The following FSIP2 variants were observed in gnomAD, a reference collection of about 807,000 sequenced individuals.
FSIP2 encodes the protein fibrous sheath-interacting protein 2.
FSIP2 carries 367 observed loss-of-function variants against 510.5 expected under a neutral mutation model. The observed-to-expected ratio is 0.72, with a 90% CI of 0.66 to 0.78. The LOEUF is 0.78. Among genes scored for constraint, FSIP2 ranks in the 30% least tolerant of loss-of-function variants. FSIP2 has a pLI of 0.00. For missense variants in FSIP2, 7,594 were observed against 7,901.7 expected, an observed-to-expected ratio of 0.96 and a Z score of 1.48; for synonymous variants, 2,601 against 2,732.2, an observed-to-expected ratio of 0.95 and a Z score of 1.50.
chr2:185,804,844 G>C lies in FSIP2; in HGVS notation c.15538G>C (p.Glu5180Gln), dbSNP rs1446678195. 5 of 1,530,784 alleles carry C rather than the reference G, an allele frequency of 3.3e-6. No homozygotes were observed. The highest frequency in any genetic ancestry group is 2.6e-6 in the Non-Finnish European group (3 of 1,144,310). The allele number at this position is 1,530,784 out of a possible 1,614,324, so 94.8% of individuals were successfully genotyped here. The change falls in exon 17 of 23, where the codon GAA becomes CAA. Residue 5180 changes from glutamate to glutamine, a missense_variant. Transcript: ENST00000424728. ...IRLSMAEDNA[E>Q]SMQLEPIENL... ...ACTTTCCATGGCAGAGGATAATGCA[G>C]AAAGTATGCAGTTAGAACCTATTGA...
intron 13 of FSIP2, among the ~76,000 whole-genome samples, chr2:185,780,005 A>G (rs1342661560): frequency 6.6e-6 from 1 of 150,704 alleles, no homozygotes; most frequent in African/African-American, 2.4e-5. Context: ...CCTGGGAGGC[A>G]GAGGTTGCAG....
chr2:185,746,288 G>GTT (rs34161042), intron 5 of FSIP2, among the ~76,000 whole-genome samples: 1 of 149,100 alleles, frequency 6.7e-6, no homozygotes, highest in Non-Finnish European at 1.5e-5. Context: ...CAAATGGACT[G>GTT]TTTTTTTTTT....
chr2:185,768,960 C>A (rs914933090), intron 13 of FSIP2, among the ~76,000 whole-genome samples: 1 of 152,164 alleles, frequency 6.6e-6, no homozygotes, highest in African/African-American at 2.4e-5. Flanking sequence ...AGGACATGAT[C>A]TAATTCTTTT....
chr2:185,805,028 A>G lies in FSIP2; in HGVS notation c.15722A>G (p.His5241Arg), dbSNP rs765236708. The stretch of plus-strand genomic sequence containing the variant: ...TATCATCATTTACAGCCATTTTTAC[A>G]TGGTGAAGAATCATCTTTCAGTGAC... ...IMYHHLQPFL[H>R]GEESSFSDLS... is the part of the protein sequence containing the mutation. Residue 5241 changes from histidine (H) to arginine (R), a missense_variant, in exon 17 of 23, where the codon CAT becomes CGT. His to Arg is a conservative substitution (Grantham distance 29). Coordinates refer to ENST00000424728, the MANE Select transcript of FSIP2 (RefSeq NM_173651.4). 6.3e-7 allele frequency: 1 copy of G among 1,594,980 alleles called. No homozygotes were observed. The highest frequency in any genetic ancestry group is 8.5e-7 in the Non-Finnish European group (1 of 1,174,774).
rs1345422615 is a variant in FSIP2, at chr2:185,750,983, G to T, written c.871-2739G>T. On this transcript the variant is annotated intron_variant, in intron 7 of 22. Transcript: ENST00000424728. Reference sequence around the variant, plus strand: ...TCCCAAATCTTTTTAAATATATTGAGATTATTTTATCATCCCAAACTCTGG... The same window carrying T: ...TCCCAAATCTTTTTAAATATATTGATATTATTTTATCATCCCAAACTCTGG... Among the ~76,000 whole-genome samples the T allele has an allele frequency of 2.0e-5, 3 of 151,256 alleles. No individual in the cohort carries two copies. The East Asian group carries it at 5.8e-4, about 29-fold the overall frequency.
At chr2:185,772,039 G>T (rs1476237215) in intron 13 of FSIP2, among the ~76,000 whole-genome samples, 1 of 152,208 alleles carries the variant, frequency 6.6e-6, no homozygotes, top group African/African-American at 2.4e-5. Context: ...ACACAATGCA[G>T]TCAAGCTCTT....
Position 185,797,416 on chromosome 2 carries a change from T to A in FSIP2, c.10280T>A (p.Val3427Asp), listed in dbSNP as rs1559030623. 2.0e-6 allele frequency: 3 copies of A among 1,532,192 alleles called. No individual in the cohort carries two copies. Among genetic ancestry groups the A allele is most frequent in the South Asian group, 1.2e-5 (1 of 83,170 alleles). The allele number at this position is 1,532,192 out of a possible 1,614,324, so 94.9% of individuals were successfully genotyped here. A position where few individuals can be genotyped will look rare whatever the true frequency, so the allele number is the denominator to read the frequency against. The change falls in exon 16 of 23, where the codon GTT (valine) becomes GAT (aspartate). Residue 3427 changes from valine (V) to aspartate (D), a missense_variant. By Grantham distance (152) the Val-to-Asp change is radical. Coordinates refer to ENST00000424728, the MANE Select transcript of FSIP2 (RefSeq NM_173651.4). ...EYPKIETVKE[V>D]EAFTFADHEM... ...CCAAAGATAGAGACTGTGAAGGAAG[T>A]TGAAGCCTTTACTTTTGCTGATCAT...
chr2:185,782,631 T>C, intron 13 of FSIP2, 74 bp from the exon 14 acceptor site: 1 of 846,734 alleles, frequency 1.2e-6, no homozygotes, highest in Non-Finnish European at 1.9e-6. Flanking sequence ...AATAAATACC[T>C]ACTGGAGGAT....
Position 185,804,939 on chromosome 2 carries a change from T to C in FSIP2, c.15633T>C (p.Asp5211=). The C allele has an allele frequency of 2.6e-6, 4 of 1,528,760 alleles. No homozygotes were observed. The highest frequency in any genetic ancestry group is 3.5e-6 in the Non-Finnish European group (4 of 1,144,264). 94.7% of individuals were successfully genotyped at this position (1,528,760 alleles called of 1,614,324 possible). ...TSEFQAEVQK[D]ADKKGCSFLS... ...AATTCCAAGCTGAAGTACAAAAAGA[T>C]GCAGACAAAAAAGGATGCTCATTCC... The change falls in exon 17 of 23, where the codon GAT becomes GAC. Residue 5211 remains aspartate, a synonymous_variant. Coordinates refer to ENST00000424728, the MANE Select transcript of FSIP2 (RefSeq NM_173651.4).
Position 185,739,466 on chromosome 2 carries a change from G to A in FSIP2, c.220G>A (p.Glu74Lys), listed in dbSNP as rs1427445201. The A allele has an allele frequency of 2.3e-5, 35 of 1,498,074 alleles. No homozygotes were observed. Among genetic ancestry groups the A allele is most frequent in the Non-Finnish European group, 2.9e-5 (33 of 1,128,576 alleles). The allele number at this position is 1,498,074 out of a possible 1,614,324, so 92.8% of individuals were successfully genotyped here. A position where few individuals can be genotyped will look rare whatever the true frequency, so the allele number is the denominator to read the frequency against. ...TGTATTCTATACTACGAATTTCGGT[G>A]AAAAGGTGAACAAGTTTTTATCGTC... is the stretch of plus-strand genomic sequence containing the variant. ...NAVFYTTNFG[E>K]KLFRPSYGFN... Residue 74 changes from glutamate (E) to lysine (K), a missense_variant, in exon 2 of 23, where the codon GAA becomes AAA. Glu to Lys is a moderately conservative substitution (Grantham distance 56). Transcript: ENST00000424728.
At position 185,791,755 on chromosome 2, in the gene FSIP2, T is replaced by C; in HGVS notation, c.4619T>C (p.Ile1540Thr). The change falls in exon 16 of 23, where the codon ATA becomes ACA. Residue 1540 changes from isoleucine to threonine, a missense_variant. Physicochemically the swap from Ile to Thr is moderately conservative, Grantham distance 89 (BLOSUM62 -1). Coordinates refer to ENST00000424728, the MANE Select transcript of FSIP2 (RefSeq NM_173651.4). ...MAKSTKIISS[I>T]VSRRVQEDNK... The stretch of plus-strand genomic sequence containing the variant: ...AAATCCACCAAAATAATCTCCAGCA[T>C]AGTTTCCAGAAGGGTTCAGGAGGAC... The C allele has an allele frequency of 6.5e-7, 1 of 1,534,654 alleles. No individual in the cohort carries two copies. Among genetic ancestry groups the C allele is most frequent in the Non-Finnish European group, 8.7e-7 (1 of 1,145,728 alleles).
At chr2:185,746,854 C>G in intron 6 of FSIP2, 44 bp downstream of exon 6, 1 of 1,315,586 alleles carries the variant, frequency 7.6e-7, no homozygotes, top group Non-Finnish European at 1.0e-6. Flanking sequence ...AAATTGTGTA[C>G]AGTTGTTGCA....
chr2:185,797,059 TA>T lies in FSIP2; in HGVS notation c.9927del (p.Lys3309AsnfsTer20). ...CTAAGAGTGTTTCATTATGAGAACCTAAAACCAGTTGTTGAACCAAACCAAA... is the reference window on the plus strand; with the variant it reads ...CTAAGAGTGTTTCATTATGAGAACCTAAACCAGTTGTTGAACCAAACCAAA... ...ENLRVFHYEN[L>X]KPVVEPNQIQ... is the part of the protein sequence containing the mutation. On this transcript the variant is annotated frameshift_variant, in exon 16 of 23. Transcript: ENST00000424728. LOFTEE classifies it high-confidence loss of function. 6.5e-7 allele frequency: 1 copy of T among 1,535,250 alleles called. No individual in the cohort carries two copies. The highest frequency in any genetic ancestry group is 8.7e-7 in the Non-Finnish European group (1 of 1,146,318).
chr2:185,804,194 C>A lies in FSIP2; in HGVS notation c.14888C>A (p.Ala4963Glu). Residue 4963 changes from alanine to glutamate, a missense_variant, in exon 17 of 23, where the codon GCA (alanine) becomes GAA (glutamate). Physicochemically the swap from Ala to Glu is moderately radical, Grantham distance 107. Coordinates refer to ENST00000424728, the MANE Select transcript of FSIP2 (RefSeq NM_173651.4). Reference sequence around the variant, plus strand: ...GAGCTCTTATGCAAAATTCTTTATGCATTTTCACATAACATGTTGGTTACT... The same window carrying A: ...GAGCTCTTATGCAAAATTCTTTATGAATTTTCACATAACATGTTGGTTACT... Reference protein sequence around the residue: ...ISELLCKILYAFSHNMLVTEN... With the variant: ...ISELLCKILYEFSHNMLVTEN... 1 of 1,513,730 alleles carries A rather than the reference C, an allele frequency of 6.6e-7. No homozygotes were observed. Among genetic ancestry groups the A allele is most frequent in the South Asian group, 1.3e-5 (1 of 79,820 alleles). The allele number at this position is 1,513,730 out of a possible 1,614,324, so 93.8% of individuals were successfully genotyped here. A position where few individuals can be genotyped will look rare whatever the true frequency, so the allele number is the denominator to read the frequency against.
rs781763566 is a variant in FSIP2, at chr2:185,808,657, C to G, written c.19351C>G (p.Pro6451Ala). ...TATAAAAGATACAAATACAGCCTTT[C>G]CTAAAAAAGTGGCTAGTTTAATTAT... ...YDIKDTNTAF[P>A]KKVASLIIDG... is the part of the protein sequence containing the mutation. Residue 6451 changes from proline to alanine, a missense_variant, in exon 17 of 23, where the codon CCT becomes GCT. Physicochemically the swap from Pro to Ala is conservative, Grantham distance 27 (BLOSUM62 -1). Coordinates refer to ENST00000424728, the MANE Select transcript of FSIP2 (RefSeq NM_173651.4). 1.2e-6 allele frequency: 2 copies of G among 1,605,488 alleles called. No individual in the cohort carries two copies. Among genetic ancestry groups the G allele is most frequent in the Non-Finnish European group, 1.7e-6 (2 of 1,176,532 alleles).
chr2:185,786,640 T>G (rs79890081), intron 15 of FSIP2, among the ~76,000 whole-genome samples: 1 of 151,916 alleles, frequency 6.6e-6, no homozygotes, highest in African/African-American at 2.4e-5. Flanking sequence ...ATCTTGCTGG[T>G]GAACTCAGTA....
rs147119022 is a variant in FSIP2, at chr2:185,786,958, T to A, written c.1506+670T>A. Among the ~76,000 whole-genome samples, 607 of 151,980 alleles carry A rather than the reference T, an allele frequency of 4.0e-3. 5 individuals carry two copies. Among genetic ancestry groups the A allele is most frequent in the African/African-American group, 0.014 (583 of 41,538 alleles). ...AGCAATTAAAAACTAGGATTCTATC[T>A]ATCATATTTCACTACAAAGAAAACG... On this transcript the variant is annotated intron_variant, in intron 15 of 22. Coordinates refer to ENST00000424728, the MANE Select transcript of FSIP2 (RefSeq NM_173651.4).
At chr2:185,763,368 T>TC in intron 12 of FSIP2, 79 bp downstream of exon 12, 1 of 705,394 alleles carries the variant, frequency 1.4e-6, no homozygotes, top group Non-Finnish European at 2.5e-6. Flanking sequence ...GTATAAAATG[T>TC]CATGATTTAT....
Position 185,808,532 on chromosome 2 carries a change from G to A in FSIP2, c.19226G>A (p.Cys6409Tyr), listed in dbSNP as rs767259087. Residue 6409 changes from cysteine (C) to tyrosine (Y), a missense_variant, in exon 17 of 23, where the codon TGT becomes TAT. Transcript: ENST00000424728. Reference protein sequence around the residue: ...SLIASDPEEHCLNPENTERIY... With the variant: ...SLIASDPEEHYLNPENTERIY... ...ATAGCTTCTGATCCTGAAGAGCACT[G>A]TTTAAATCCAGAAAATACAGAAAGG... 2 of 1,612,558 alleles carry A rather than the reference G, an allele frequency of 1.2e-6. No homozygotes were observed. The highest frequency in any genetic ancestry group is 3.3e-5 in the Admixed American group (2 of 59,824).
Sources: gnomAD v4.1 joint callset for allele counts (sites outside exome capture counted in the v4.1 genomes callset) on GRCh38, gnomAD v4.1.1 for gene constraint, MANE v1.5 for transcripts, NCBI Gene and HGNC (gene_info 2026-07-23, HGNC 2026-07-21) for gene names.